The following AATF variants were observed in gnomAD, a reference collection of about 807,000 sequenced individuals.
AATF encodes the protein protein AATF.
A neutral mutation model predicts 63.7 loss-of-function variants in AATF; 48 were observed. The ratio of observed to expected loss-of-function variants is 0.75; its 90% confidence interval spans 0.60 to 0.96. The LOEUF is 0.96. AATF is among the 40% of genes least tolerant of loss of function. AATF has a pLI of 0.00. For missense variants in AATF, 639 were observed against 685.7 expected, an observed-to-expected ratio of 0.93 and a Z score of 0.76; for synonymous variants, 258 against 247.7, an observed-to-expected ratio of 1.04 and a Z score of -0.39.
intron 8 of AATF, among the ~76,000 whole-genome samples, chr17:37,015,709 G>A (rs1302242537): frequency 6.6e-5 from 10 of 152,184 alleles, no homozygotes; most frequent in Non-Finnish European, 1.3e-4. Context: ...TGGGAGGGCA[G>A]ACACCATTCA....
At position 36,995,291 on chromosome 17, in the gene AATF, G is replaced by A. The variant is rs547529360; in HGVS notation, c.1398+4434G>A. 1.1e-4 allele frequency among the ~76,000 whole-genome samples: 17 copies of A among 152,274 alleles called. No individual in the cohort carries two copies. The South Asian group carries it at 3.5e-3, about 32-fold the overall frequency. ...TCTATAACTGACCTTGCCACATGCT[G>A]AATTTTTGTGTCTAAGACATTTGAT... On this transcript the variant is annotated intron_variant, in intron 8 of 11. Coordinates refer to ENST00000619387, the MANE Select transcript of AATF (RefSeq NM_012138.4).
intron 10 of AATF, among the ~76,000 whole-genome samples, chr17:37,025,597 A>G (rs1277511432): frequency 2.6e-5 from 4 of 152,216 alleles, no homozygotes; most frequent in Non-Finnish European, 5.9e-5. Context: ...AAAGGGCAGC[A>G]TCGTTTCATT....
intron 4 of AATF, among the ~76,000 whole-genome samples, chr17:36,968,506 G>T (rs991389932): frequency 6.6e-6 from 1 of 151,320 alleles, no homozygotes; most frequent in African/African-American, 2.4e-5. Context: ...AAATTCCTGA[G>T]CTTAGGTGAT....
intron 4 of AATF, among the ~76,000 whole-genome samples, chr17:36,960,008 A>G (rs2070933496): frequency 6.6e-6 from 1 of 151,038 alleles, no homozygotes; most frequent in Admixed American, 6.6e-5. Context: ...TGACTTGACT[A>G]GACTAAAATT....
chr17:36,966,788 G>A (rs147815784), intron 4 of AATF, among the ~76,000 whole-genome samples: 237 of 152,156 alleles, frequency 1.6e-3, no homozygotes, highest in African/African-American at 5.4e-3. Flanking sequence ...AGGAGGTAGA[G>A]ATGGGGTTGC....
intron 3 of AATF, 45 bp from the exon 4 acceptor site, chr17:36,953,725 A>G (rs778073477): frequency 6.3e-7 from 1 of 1,592,720 alleles, no homozygotes; most frequent in South Asian, 1.1e-5. Flanking sequence ...TCACCCCCAG[A>G]ATATTTTATT....
chr17:37,035,756 A>G (rs1325277094), intron 11 of AATF, among the ~76,000 whole-genome samples: 1 of 152,036 alleles, frequency 6.6e-6, no homozygotes, highest in African/African-American at 2.4e-5. Context: ...CCTGTTTCTG[A>G]CTTTTAAATG....
chr17:36,989,303 C>T lies in AATF; in HGVS notation c.1206C>T (p.Asp402=), dbSNP rs1555649619. Reference sequence around the variant, plus strand: ...CTCAGATCGACCATATTCTGATGGACAAAGAGAGATTACTTCGAAGGACAC... The same window carrying T: ...CTCAGATCGACCATATTCTGATGGATAAAGAGAGATTACTTCGAAGGACAC... ...ILTQIDHILM[D]KERLLRRTQT... is the part of the protein sequence containing the mutation. The change falls in exon 7 of 12, where the codon GAC becomes GAT. Residue 402 remains aspartate, a synonymous_variant. Transcript: ENST00000619387. 1 of 1,613,952 alleles carries T rather than the reference C, an allele frequency of 6.2e-7. No homozygotes were observed. Among genetic ancestry groups the T allele is most frequent in the East Asian group, 2.2e-5 (1 of 44,864 alleles).
At chr17:37,005,138 G>T (rs566383177) in intron 8 of AATF, among the ~76,000 whole-genome samples, 4 of 149,044 alleles carry the variant, frequency 2.7e-5, no homozygotes, top group Non-Finnish European at 6.1e-5. Flanking sequence ...TGACTTTGGG[G>T]TGCTGCCCCA....
rs537834557 is a variant in AATF at position 37,031,508 on chromosome 17, G to C, written c.1548-106G>C. The C allele has an allele frequency of 4.1e-5, 39 of 940,664 alleles. No homozygotes were observed. The East Asian group carries it at 6.0e-4, about 14-fold the overall frequency. The allele number at this position is 940,664 out of a possible 1,614,324, so 58.3% of individuals were successfully genotyped here. ...TTTTCCCTATCCCACTTTGTACCCAGATGTTCCAGTGATCAGTTCTGGAGT... is the reference window on the plus strand; with the variant it reads ...TTTTCCCTATCCCACTTTGTACCCACATGTTCCAGTGATCAGTTCTGGAGT... On this transcript the variant is annotated intron_variant, in intron 10 of 11. Transcript: ENST00000619387.
chr17:36,973,785 A>G (rs73283990), intron 4 of AATF, among the ~76,000 whole-genome samples: 1,879 of 152,342 alleles, frequency 0.012, 48 homozygotes, highest in African/African-American at 0.043. Flanking sequence ...AAAATAGCCA[A>G]GCAGGCTGGG....
chr17:37,038,313 G>A (rs560539860), intron 11 of AATF, among the ~76,000 whole-genome samples: 1 of 152,328 alleles, frequency 6.6e-6, no homozygotes, highest in South Asian at 2.1e-4. Context: ...ATGTAAGTCA[G>A]TAAAATGCTA....
intron 8 of AATF, among the ~76,000 whole-genome samples, chr17:36,996,138 A>C (rs1031790007): frequency 6.6e-6 from 1 of 152,206 alleles, no homozygotes; most frequent in African/African-American, 2.4e-5. Context: ...GAAGTACATA[A>C]ATTTTAAAAT....
chr17:37,041,658 A>G (rs995664346), intron 11 of AATF, among the ~76,000 whole-genome samples: 3 of 152,016 alleles, frequency 2.0e-5, no homozygotes, highest in Non-Finnish European at 4.4e-5. Flanking sequence ...GGCGTGTCCT[A>G]TTACACCCGG....
chr17:36,952,954 G>A lies in AATF; in HGVS notation c.352G>A (p.Asp118Asn), dbSNP rs778670766. The A allele has an allele frequency of 6.2e-7, 1 of 1,614,072 alleles. No homozygotes were observed. The highest frequency in any genetic ancestry group is 1.3e-5 in the African/African-American group (1 of 74,920). ...AGAGGGACTGGGTCTGGAGGAATAT[G>A]ATGAGGACGACCTGGGTGCTGCTGA... ...DSEGLGLEEYDEDDLGAAEEQ... is the reference protein window; with the variant it reads ...DSEGLGLEEYNEDDLGAAEEQ... The change falls in exon 3 of 12, where the codon GAT (aspartate) becomes AAT (asparagine). Residue 118 changes from aspartate to asparagine, a missense_variant. By Grantham distance (23) the Asp-to-Asn change is conservative. Transcript: ENST00000619387.
chr17:36,996,660 A>G (rs1451738746), intron 8 of AATF, among the ~76,000 whole-genome samples: 2 of 152,172 alleles, frequency 1.3e-5, no homozygotes, highest in African/African-American at 2.4e-5. Flanking sequence ...AAGTGCTGCC[A>G]TTGTATATCT....
chr17:36,978,038 T>G, intron 4 of AATF, among the ~76,000 whole-genome samples: 1 of 152,178 alleles, frequency 6.6e-6, no homozygotes, highest in South Asian at 2.1e-4. Flanking sequence ...AATTCATGCC[T>G]GGTCAGAAAT....
chr17:36,999,664 A>C (rs1272351447), intron 8 of AATF, among the ~76,000 whole-genome samples: 3 of 152,208 alleles, frequency 2.0e-5, no homozygotes, highest in Non-Finnish European at 4.4e-5. Flanking sequence ...GAGAATGATG[A>C]AACTGGTTAT....
Position 36,990,786 on chromosome 17 carries a change from C to T in AATF, c.1327C>T (p.Gln443Ter). The T allele has an allele frequency of 6.3e-7, 1 of 1,592,372 alleles. No individual in the cohort carries two copies. The part of the protein sequence containing the change: ...SLPGEPEILP[Q>*]APANAHLKDL... ...ATTGTTAACATAGGAGATCCTTCCTCAAGCCCCTGCTAATGCTCATCTGAA... is the reference window on the plus strand; with the variant it reads ...ATTGTTAACATAGGAGATCCTTCCTTAAGCCCCTGCTAATGCTCATCTGAA... The change falls in exon 8 of 12, where the codon CAA becomes TAA. Residue 443 changes from glutamine (Q) to a stop codon, truncating the protein, a stop_gained. Coordinates refer to ENST00000619387, the MANE Select transcript of AATF (RefSeq NM_012138.4). LOFTEE classifies it high-confidence loss of function.
Sources: gnomAD v4.1 joint callset for allele counts (sites outside exome capture counted in the v4.1 genomes callset) on GRCh38, gnomAD v4.1.1 for gene constraint, MANE v1.5 for transcripts, NCBI Gene and HGNC (gene_info 2026-07-23, HGNC 2026-07-21) for gene names.